Variants in MYO7A observed in about 807,000 individuals in gnomAD.
The protein encoded by MYO7A is unconventional myosin-VIIa.
Under a neutral mutation model 263.8 loss-of-function variants are expected in MYO7A, and 210 were observed. The ratio of observed to expected loss-of-function variants is 0.80; its 90% confidence interval spans 0.71 to 0.89. The LOEUF is 0.89. Ranked by LOEUF, MYO7A falls within the 40% of genes least tolerant of loss-of-function variation. MYO7A has a pLI of 0.00. For missense variants in MYO7A, 2,820 were observed against 2,968.3 expected, an observed-to-expected ratio of 0.95 and a Z score of 1.16; for synonymous variants, 1,239 against 1,197.3, an observed-to-expected ratio of 1.03 and a Z score of -0.72.
chr11:77,129,203 C>T (rs1555045357), intron 1 of MYO7A, among the ~76,000 whole-genome samples: 1 of 152,220 alleles, frequency 6.6e-6, no homozygotes, highest in African/African-American at 2.4e-5. Flanking sequence ...GGCGCCTGCT[C>T]CACAGCCTGG....
At chr11:77,149,619 T>TA (rs1951828842) in intron 4 of MYO7A, among the ~76,000 whole-genome samples, 1 of 152,120 alleles carries the variant, frequency 6.6e-6, no homozygotes, top group African/African-American at 2.4e-5. Context: ...GCCCTGGAAT[T>TA]ACGGCCCTTC....
rs1256384703 is a variant in MYO7A at position 77,129,967 on chromosome 11, G to GCGGGCC, written c.-46-608_-46-603dup. Among the ~76,000 whole-genome samples, 749 of 152,204 alleles carry GCGGGCC rather than the reference G, an allele frequency of 4.9e-3. 5 individuals are homozygous for GCGGGCC. Among genetic ancestry groups the GCGGGCC allele is most frequent in the Admixed American group, 0.016 (242 of 15,302 alleles). ...GCCAGATTGTGCTGGGCCTAGCGGG[G>GCGGGCC]CGGGCCCGGGCCCGGGCCCAGGCCC... On this transcript the variant is annotated intron_variant, in intron 1 of 48. Transcript: ENST00000409709.
At position 77,194,486 on chromosome 11, in the gene MYO7A, G is replaced by A. The variant is rs374171831; in HGVS notation, c.4285G>A (p.Glu1429Lys). 2.4e-5 allele frequency: 39 copies of A among 1,608,032 alleles called. No individual in the cohort carries two copies. The highest frequency in any genetic ancestry group is 3.0e-5 in the Non-Finnish European group (35 of 1,177,494). Residue 1429 changes from glutamate to lysine, a missense_variant, in exon 32 of 49, where the codon GAG becomes AAG. Glu to Lys is a moderately conservative substitution (Grantham distance 56). Transcript: ENST00000409709. ...CGAGATCACGCCCCTGAAGACGCTG[G>A]AGAAGTGGGCCCAGCTGGCCATCGC... is the stretch of plus-strand genomic sequence containing the variant. Reference protein sequence around the residue: ...DREITPLKTLEKWAQLAIAAH... With the variant: ...DREITPLKTLKKWAQLAIAAH...
intron 42 of MYO7A, 104 bp downstream of exon 42, chr11:77,207,506 G>T: frequency 1.1e-6 from 1 of 872,790 alleles, no homozygotes; most frequent in Non-Finnish European, 1.9e-6. Context: ...GAGGGGAAGA[G>T]GGCACTGGCA....
chr11:77,158,448 T>C lies in MYO7A; in HGVS notation c.1003+18T>C. The C allele has an allele frequency of 6.2e-7, 1 of 1,607,476 alleles. No homozygotes were observed. Among genetic ancestry groups the C allele is most frequent in the Non-Finnish European group, 8.5e-7 (1 of 1,178,014 alleles). On this transcript the variant is annotated intron_variant, in intron 9 of 48. Transcript: ENST00000409709. ...GTATGAGGGTGAGGCTGCGCCACAC[T>C]CGCCCTGCCCCACCCCTGCGCCAAG...
At chr11:77,204,354 T>G (rs1318040545) in intron 39 of MYO7A, 125 bp downstream of exon 39, 2 of 1,322,244 alleles carry the variant, frequency 1.5e-6, no homozygotes, top group African/African-American at 2.9e-5. Flanking sequence ...AGCCGGGAGC[T>G]GCTCATGGGC....
At chr11:77,205,077 C>T (rs1957352320) in intron 39 of MYO7A, among the ~76,000 whole-genome samples, 1 of 152,208 alleles carries the variant, frequency 6.6e-6, no homozygotes, top group South Asian at 2.1e-4. Flanking sequence ...TAAAGAGCTT[C>T]TGCGAAAATA....
Position 77,174,762 on chromosome 11 carries a change from G to T in MYO7A, c.1942G>T (p.Asp648Tyr). The change falls in exon 17 of 49, where the codon GAC (aspartate) becomes TAC (tyrosine). Residue 648 changes from aspartate (D) to tyrosine (Y), a missense_variant. Physicochemically the swap from Asp to Tyr is radical, Grantham distance 160. Transcript: ENST00000409709. ...TTGGCTGTGTGCCTGGCAGCTGTTCGACCGGCACCTGTGCGTGCGCCAGCT... is the reference window on the plus strand; with the variant it reads ...TTGGCTGTGTGCCTGGCAGCTGTTCTACCGGCACCTGTGCGTGCGCCAGCT... ...PNEFKKPMLF[D>Y]RHLCVRQLRY... is the part of the protein sequence containing the mutation. 1.3e-6 allele frequency: 2 copies of T among 1,590,382 alleles called. No homozygotes were observed. The highest frequency in any genetic ancestry group is 2.3e-5 in the South Asian group (2 of 87,546).
intron 12 of MYO7A, 130 bp downstream of exon 12, chr11:77,161,245 G>A: frequency 8.6e-7 from 1 of 1,162,060 alleles, no homozygotes; most frequent in East Asian, 2.5e-5. Context: ...CGTCATCACG[G>A]TGGACCCTCT....
intron 32 of MYO7A, among the ~76,000 whole-genome samples, chr11:77,196,991 T>G (rs144384693): frequency 2.0e-5 from 3 of 152,310 alleles, no homozygotes; most frequent in African/African-American, 7.2e-5. Context: ...GACACACTGA[T>G]CTTTCTAACT....
intron 44 of MYO7A, chr11:77,209,036 C>T (rs1222224208): frequency 7.4e-5 from 42 of 564,824 alleles, no homozygotes; most frequent in South Asian, 6.6e-4. Flanking sequence ...AGCTTCCGAT[C>T]CCTACCTGTT....
chr11:77,183,079 C>G lies in MYO7A; in HGVS notation c.3297C>G (p.Pro1099=). 2 of 1,551,378 alleles carry G rather than the reference C, an allele frequency of 1.3e-6. No individual in the cohort carries two copies. Among genetic ancestry groups the G allele is most frequent in the Non-Finnish European group, 1.7e-6 (2 of 1,147,158 alleles). ...TGCTGGTCCTGCAGGCCCAGCTCCC[C>G]GAGGGCCAGAAGAAGAGCAGTGTGA... ...ALQGEGEAQL[P]EGQKKSSVRH... Residue 1099 remains proline (P), a synonymous_variant, in exon 26 of 49, where the codon CCC becomes CCG. Coordinates refer to ENST00000409709, the MANE Select transcript of MYO7A (RefSeq NM_000260.4).
intron 27 of MYO7A, 126 bp from the exon 28 acceptor site, chr11:77,189,218 T>C: frequency 7.2e-7 from 1 of 1,380,264 alleles, no homozygotes; most frequent in Non-Finnish European, 9.8e-7. Flanking sequence ...CTCTGCCTCC[T>C]CCCGGGTGGT....
At chr11:77,133,507 A>G (rs1591170951) in intron 2 of MYO7A, among the ~76,000 whole-genome samples, 2 of 152,332 alleles carry the variant, frequency 1.3e-5, no homozygotes, top group Admixed American at 1.3e-4. Flanking sequence ...CTTAACATCT[A>G]TGTCTGATAG....
intron 11 of MYO7A, 83 bp downstream of exon 11, chr11:77,160,365 G>A (rs1952881739): frequency 2.0e-6 from 3 of 1,495,330 alleles, no homozygotes; most frequent in African/African-American, 2.8e-5. Context: ...AGGAGTCCTG[G>A]GAGGTGGGTA....
chr11:77,184,661 A>G lies in MYO7A; in HGVS notation c.3449A>G (p.Asn1150Ser), dbSNP rs1555087199. 3 of 1,594,030 alleles carry G rather than the reference A, an allele frequency of 1.9e-6. No individual in the cohort carries two copies. Among genetic ancestry groups the G allele is most frequent in the African/African-American group, 2.7e-5 (2 of 74,560 alleles). Residue 1150 changes from asparagine to serine, a missense_variant, in exon 27 of 49, where the codon AAC becomes AGC. Coordinates refer to ENST00000409709, the MANE Select transcript of MYO7A (RefSeq NM_000260.4). ...NSMLEDRPTS[N>S]LEKLHFIIGN... ...ATGCTGGAGGACCGGCCCACCTCCA[A>G]CCTGGAGAAGCTGCACTTCATCATC... is the stretch of plus-strand genomic sequence containing the variant.
chr11:77,212,692 G>C (rs1041475604), intron 46 of MYO7A: 1 of 557,466 alleles, frequency 1.8e-6, no homozygotes, highest in African/African-American at 1.9e-5. Flanking sequence ...CAGGGTCCAG[G>C]AGGCTTTTTA....
At position 77,192,835 on chromosome 11, in the gene MYO7A, AT is replaced by A. The variant is rs1956198277; in HGVS notation, c.4152+558del. Among the ~76,000 whole-genome samples the A allele has an allele frequency of 7.2e-5, 6 of 83,798 alleles. No homozygotes were observed. The Admixed American group carries it at 7.3e-4, about 10-fold the overall frequency. 55.0% of individuals were successfully genotyped at this position (83,798 alleles called of 152,430 possible). ...GAGGTAGTGATGATGGTTGGTGGTGATGGTGGAGGTAGTGATGGTGTTGGTA... is the reference window on the plus strand; with the variant it reads ...GAGGTAGTGATGATGGTTGGTGGTGAGGTGGAGGTAGTGATGGTGTTGGTA... On this transcript the variant is annotated intron_variant, in intron 31 of 48. Coordinates refer to ENST00000409709, the MANE Select transcript of MYO7A (RefSeq NM_000260.4).
chr11:77,183,520 A>T (rs1555086319), intron 26 of MYO7A, among the ~76,000 whole-genome samples: 1 of 152,264 alleles, frequency 6.6e-6, no homozygotes, highest in East Asian at 1.9e-4. Flanking sequence ...GTGGAACAAG[A>T]GTGCTCATGG....
Sources: gnomAD v4.1 joint callset for allele counts (sites outside exome capture counted in the v4.1 genomes callset) on GRCh38, gnomAD v4.1.1 for gene constraint, MANE v1.5 for transcripts, NCBI Gene and HGNC (gene_info 2026-07-23, HGNC 2026-07-21) for gene names.